The following LMO7 variants were observed in gnomAD, a reference collection of about 807,000 sequenced individuals.
The protein encoded by LMO7 is LIM domain 7.
In LMO7, 120 loss-of-function variants were observed where a neutral mutation model predicts 206.5. That is an observed-to-expected ratio of 0.58 (90% CI 0.50 to 0.68). LMO7 has a LOEUF of 0.68. LMO7 is among the 30% of genes least tolerant of loss of function. The pLI is 0.00. For missense variants in LMO7, 1,959 were observed against 1,957.9 expected (o/e 1.00, Z -0.01); for synonymous variants, 706 against 681.5 (o/e 1.04, Z -0.56).
chr13:75,838,778 C>T (rs1200306210), intron 20 of LMO7, among the ~76,000 whole-genome samples: 6 of 152,078 alleles, frequency 3.9e-5, no homozygotes, highest in Admixed American at 1.3e-4. Flanking sequence ...TGAGATTCTC[C>T]GTGTTGGTGT....
intron 6 of LMO7, among the ~76,000 whole-genome samples, chr13:75,799,656 A>G (rs2054484815): frequency 6.6e-6 from 1 of 152,216 alleles, no homozygotes; most frequent in African/African-American, 2.4e-5. Context: ...TTTGATTGTT[A>G]GTAATTACTA....
chr13:75,755,036 C>A (rs138854162), intron 3 of LMO7, among the ~76,000 whole-genome samples: 3 of 152,250 alleles, frequency 2.0e-5, no homozygotes, highest in African/African-American at 7.2e-5. Context: ...GCTTCTCTCC[C>A]CACCTTTTCC....
At chr13:75,735,754 G>A (rs981006529) in intron 3 of LMO7, among the ~76,000 whole-genome samples, 20 of 151,746 alleles carry the variant, frequency 1.3e-4, no homozygotes, top group Non-Finnish European at 8.8e-5. Context: ...AATTACAAGC[G>A]TGAGCCACTG....
At chr13:75,654,325 C>T (rs2037842559) in intron 1 of LMO7, among the ~76,000 whole-genome samples, 1 of 152,136 alleles carries the variant, frequency 6.6e-6, no homozygotes, top group South Asian at 2.1e-4. Flanking sequence ...GGAGGATAAT[C>T]AGATGGAATT....
upstream of LMO7, among the ~76,000 whole-genome samples, chr13:75,635,420 G>C (rs1359015737): frequency 6.6e-6 from 1 of 152,238 alleles, no homozygotes; most frequent in Admixed American, 6.5e-5. Flanking sequence ...AAGCCGACCC[G>C]TGTGCCTCCC....
chr13:75,836,739 C>T (rs968028932), intron 19 of LMO7, among the ~76,000 whole-genome samples: 1 of 152,122 alleles, frequency 6.6e-6, no homozygotes, highest in Admixed American at 6.5e-5. Context: ...CTTCCTGAGG[C>T]CGTCAGCTTT....
intron 3 of LMO7, among the ~76,000 whole-genome samples, chr13:75,728,396 G>A (rs1594568168): frequency 1.3e-5 from 2 of 152,140 alleles, no homozygotes; most frequent in African/African-American, 2.4e-5. Flanking sequence ...ATTTTTTCAT[G>A]TGTCTTTTGG....
At chr13:75,642,823 T>G (rs892377242) in intron 1 of LMO7, among the ~76,000 whole-genome samples, 1 of 152,300 alleles carries the variant, frequency 6.6e-6, no homozygotes, top group South Asian at 2.1e-4. Context: ...AATGAACAGA[T>G]GAAAGACATG....
Position 75,858,109 on chromosome 13 carries a change from A to G in LMO7, c.*166A>G. The G allele has an allele frequency of 1.6e-6, 1 of 612,760 alleles. No homozygotes were observed. Among genetic ancestry groups the G allele is most frequent in the Non-Finnish European group, 2.7e-6 (1 of 375,454 alleles). The allele number at this position is 612,760 out of a possible 1,614,324, so 38.0% of individuals were successfully genotyped here. ...ATAGAAGCATTGTAGTCTTGGTAGA[A>G]CCAGTATTTTTGTTGTTTATTTATA... is the stretch of plus-strand genomic sequence containing the variant. On this transcript the variant is annotated 3_prime_UTR_variant, in exon 31 of 31. Transcript: ENST00000377534.
intron 2 of LMO7, among the ~76,000 whole-genome samples, chr13:75,625,805 T>C (rs1352617209): frequency 6.6e-6 from 1 of 152,222 alleles, no homozygotes; most frequent in Non-Finnish European, 1.5e-5. Flanking sequence ...CCGATCTTCA[T>C]GTTCAGGGAA....
chr13:75,741,437 A>G (rs146763185), intron 3 of LMO7, among the ~76,000 whole-genome samples: 6 of 152,088 alleles, frequency 3.9e-5, no homozygotes, highest in Admixed American at 6.6e-5. Flanking sequence ...TCAAAAGGAA[A>G]CTCCTGGCCA....
intron 2 of LMO7, among the ~76,000 whole-genome samples, chr13:75,626,595 A>ATATATTTTTTTTTTTTTTTTTTTTTTTTT: frequency 1.4e-5 from 1 of 71,098 alleles, no homozygotes; most frequent in African/African-American, 3.6e-5. Flanking sequence ...ATATATATAA[A>ATATATTTTTTTTTTTTTTTTTTTTTTTTT]TTTTTTTGAG....
At chr13:75,734,766 C>A (rs963097772) in intron 3 of LMO7, among the ~76,000 whole-genome samples, 4 of 152,216 alleles carry the variant, frequency 2.6e-5, no homozygotes, top group Non-Finnish European at 4.4e-5. Context: ...CATTCTATAT[C>A]TATCATTAAT....
chr13:75,819,566 C>G lies in LMO7; in HGVS notation c.2207+31C>G, dbSNP rs1595277560. On this transcript the variant is annotated intron_variant, in intron 13 of 30. Transcript: ENST00000377534. Reference sequence around the variant, plus strand: ...AATGCTGAATGCACCTCGGTTGTAACAGGGTTGGAGATGCCAGTGTTATAA... The same window carrying G: ...AATGCTGAATGCACCTCGGTTGTAAGAGGGTTGGAGATGCCAGTGTTATAA... The G allele has an allele frequency of 5.2e-6, 8 of 1,541,690 alleles. No individual in the cohort carries two copies. The East Asian group carries it at 1.9e-4, about 36-fold the overall frequency.
At chr13:75,704,423 A>G (rs980462802) in intron 1 of LMO7, among the ~76,000 whole-genome samples, 4 of 152,220 alleles carry the variant, frequency 2.6e-5, no homozygotes, top group Non-Finnish European at 5.9e-5. Flanking sequence ...TCTGTCAATT[A>G]GTAAGTAACT....
chr13:75,637,392 A>C (rs986431906), intron 1 of LMO7, among the ~76,000 whole-genome samples: 1 of 152,118 alleles, frequency 6.6e-6, no homozygotes, highest in African/African-American at 2.4e-5. Flanking sequence ...CACAGACAAG[A>C]TCTTCCATTC....
intron 11 of LMO7, among the ~76,000 whole-genome samples, chr13:75,809,414 CCTT>C (rs959411136): frequency 3.3e-5 from 5 of 152,084 alleles, no homozygotes; most frequent in African/African-American, 9.7e-5. Context: ...CAGCTTCATC[CCTT>C]CTTTTTTCCT....
At chr13:75,747,740 T>C (rs2046963187) in intron 3 of LMO7, among the ~76,000 whole-genome samples, 1 of 152,170 alleles carries the variant, frequency 6.6e-6, no homozygotes. Context: ...TTGTGATCCA[T>C]GGAAATAGTG....
intron 1 of LMO7, among the ~76,000 whole-genome samples, chr13:75,639,894 T>C (rs889019322): frequency 6.6e-6 from 1 of 152,190 alleles, no homozygotes; most frequent in Non-Finnish European, 1.5e-5. Context: ...TTTTTCAGTA[T>C]TGCTGTCACC....
Sources: gnomAD v4.1 joint callset for allele counts (sites outside exome capture counted in the v4.1 genomes callset) on GRCh38, gnomAD v4.1.1 for gene constraint, MANE v1.5 for transcripts, NCBI Gene and HGNC (gene_info 2026-07-23, HGNC 2026-07-21) for gene names.